GRM8: variants seen among roughly 807,000 people sequenced by gnomAD.
GRM8 encodes metabotropic glutamate receptor 8.
A neutral mutation model predicts 87.2 loss-of-function variants in GRM8; 47 were observed. The ratio of observed to expected loss-of-function variants is 0.54; its 90% CI spans 0.43 to 0.69. GRM8 has a LOEUF of 0.69. GRM8 is among the 30% of genes least tolerant of loss of function. GRM8 has a pLI of 0.00. For missense variants in GRM8, 1,019 were observed against 1,139.2 expected (o/e 0.89, Z 1.52); for synonymous variants, 396 against 404.5 (o/e 0.98, Z 0.25).
intron 9 of GRM8, chr7:126,512,135 G>C (rs1562902212): frequency 6.6e-6 from 1 of 152,084 alleles, no homozygotes; most frequent in Non-Finnish European, 1.5e-5. Flanking sequence ...TCCCCCAGCA[G>C]AGAGGATGAA....
At chr7:126,650,526 G>A (rs1206977851) in intron 7 of GRM8, among the ~76,000 whole-genome samples, 1 of 152,154 alleles carries the variant, frequency 6.6e-6, no homozygotes, top group Admixed American at 6.5e-5. Context: ...CACTTTGCAT[G>A]GAAGGAGAAA....
intron 1 of GRM8, among the ~76,000 whole-genome samples, chr7:127,243,738 T>C (rs942319683): frequency 5.3e-5 from 8 of 152,170 alleles, no homozygotes; most frequent in East Asian, 1.9e-4. Flanking sequence ...AGGAAGTAGG[T>C]TGATTCTCCC....
chr7:127,122,405 A>G (rs1827137372), intron 2 of GRM8, among the ~76,000 whole-genome samples: 1 of 152,132 alleles, frequency 6.6e-6, no homozygotes, highest in South Asian at 2.1e-4. Context: ...AAATAATCTA[A>G]ATATGTAAAT....
intron 7 of GRM8, among the ~76,000 whole-genome samples, chr7:126,652,646 G>T (rs977805989): frequency 6.6e-6 from 1 of 152,140 alleles, no homozygotes; most frequent in Non-Finnish European, 1.5e-5. Flanking sequence ...CTCCCATGCT[G>T]GATGCTTCCT....
At chr7:127,112,678 C>CAGA (rs1826444165) in intron 2 of GRM8, among the ~76,000 whole-genome samples, 1 of 152,172 alleles carries the variant, frequency 6.6e-6, no homozygotes, top group South Asian at 2.1e-4. Flanking sequence ...CAGCACAAGG[C>CAGA]ATCTGTTTTT....
intron 9 of GRM8, among the ~76,000 whole-genome samples, chr7:126,532,279 T>C (rs1814936600): frequency 6.6e-6 from 1 of 152,238 alleles, no homozygotes; most frequent in Non-Finnish European, 1.5e-5. Context: ...CTTTATATAA[T>C]TGTCCATGAT....
intron 9 of GRM8, among the ~76,000 whole-genome samples, chr7:126,492,757 T>C (rs758161135): frequency 6.6e-6 from 1 of 152,084 alleles, no homozygotes; most frequent in Non-Finnish European, 1.5e-5. Context: ...TATAGATAGG[T>C]ATTCCTTATA....
chr7:127,012,768 C>G (rs1050070981), intron 3 of GRM8, among the ~76,000 whole-genome samples: 1 of 152,116 alleles, frequency 6.6e-6, no homozygotes. Context: ...TGTCACTTCC[C>G]TTTTATTCCT....
intron 6 of GRM8, among the ~76,000 whole-genome samples, chr7:126,788,649 C>G (rs186497527): frequency 6.1e-4 from 92 of 151,860 alleles, no homozygotes; most frequent in Admixed American, 2.2e-3. Context: ...GTTTCCTCTA[C>G]AAATGGACTC....
intron 3 of GRM8, among the ~76,000 whole-genome samples, chr7:126,913,674 C>A (rs1211782017): frequency 6.6e-6 from 1 of 152,184 alleles, no homozygotes; most frequent in East Asian, 1.9e-4. Flanking sequence ...AACAATTTGA[C>A]CTAAAGTAAT....
chr7:126,510,451 C>CT (rs1811171140), intron 9 of GRM8, among the ~76,000 whole-genome samples: 1 of 151,994 alleles, frequency 6.6e-6, no homozygotes, highest in Non-Finnish European at 1.5e-5. Flanking sequence ...TTGGCATACT[C>CT]TGCTTCATTC....
chr7:126,454,217 A>G (rs1314010523), intron 9 of GRM8, among the ~76,000 whole-genome samples: 1 of 151,774 alleles, frequency 6.6e-6, no homozygotes, highest in Non-Finnish European at 1.5e-5. Context: ...ATCTGTCTAT[A>G]GTTCTAGAAG....
chr7:126,959,379 A>G (rs1240296790), intron 3 of GRM8, among the ~76,000 whole-genome samples: 1 of 152,226 alleles, frequency 6.6e-6, no homozygotes, highest in Non-Finnish European at 1.5e-5. Flanking sequence ...GTTTAGAAGC[A>G]AAATTTGGCA....
intron 2 of GRM8, among the ~76,000 whole-genome samples, chr7:127,110,599 CTCA>C (rs1826254273): frequency 1.3e-5 from 2 of 151,802 alleles, no homozygotes; most frequent in East Asian, 1.9e-4. Flanking sequence ...ACTCAGGACA[CTCA>C]TCATCCTCTT....
chr7:126,848,922 C>T (rs534261327), intron 6 of GRM8, among the ~76,000 whole-genome samples: 2 of 152,238 alleles, frequency 1.3e-5, no homozygotes, highest in Non-Finnish European at 2.9e-5. Context: ...CTGGGAAAGC[C>T]TCACAATCAT....
intron 8 of GRM8, among the ~76,000 whole-genome samples, chr7:126,538,498 A>ATT (rs1816116276): frequency 6.6e-6 from 1 of 152,004 alleles, no homozygotes; most frequent in African/African-American, 2.4e-5. Flanking sequence ...ATCAAGTGGT[A>ATT]TTTTTTTAAT....
chr7:127,004,158 T>G (rs1160541249), intron 3 of GRM8, among the ~76,000 whole-genome samples: 1 of 151,716 alleles, frequency 6.6e-6, no homozygotes, highest in Non-Finnish European at 1.5e-5. Flanking sequence ...CTTTTAAAAA[T>G]ATTTTTATGA....
At chr7:127,015,428 G>A (rs1264490234) in intron 3 of GRM8, among the ~76,000 whole-genome samples, 4 of 152,022 alleles carry the variant, frequency 2.6e-5, no homozygotes, top group Non-Finnish European at 4.4e-5. Flanking sequence ...GTTTCTTTGG[G>A]AAAACGGAGG....
chr7:126,689,811 C>T (rs1370531352), intron 7 of GRM8, among the ~76,000 whole-genome samples: 1 of 152,062 alleles, frequency 6.6e-6, no homozygotes. Flanking sequence ...TAAGCAGAAG[C>T]TTCTGCATGA....
Sources: gnomAD v4.1 joint callset for allele counts (sites outside exome capture counted in the v4.1 genomes callset) on GRCh38, gnomAD v4.1.1 for gene constraint, MANE v1.5 for transcripts, NCBI Gene and HGNC (gene_info 2026-07-23, HGNC 2026-07-21) for gene names.